The following SPART variants were observed in gnomAD, a reference collection of about 807,000 sequenced individuals.
The protein encoded by SPART is spastic paraplegia 20 (Troyer syndrome).
Under a neutral mutation model 58.7 loss-of-function variants are expected in SPART, and 35 were observed. The ratio of observed to expected loss-of-function variants is 0.60; its 90% confidence interval spans 0.46 to 0.79. The LOEUF (loss-of-function observed/expected upper bound fraction) is 0.79, where lower values mean the gene tolerates loss of function less well. SPART is among the 30% of genes least tolerant of loss of function. SPART has a pLI of 0.00. For synonymous variants in SPART, 284 were observed against 280.7 expected, an observed-to-expected ratio of 1.01 and a Z score of -0.12; for missense variants, 730 against 786.1, an observed-to-expected ratio of 0.93 and a Z score of 0.85.
At chr13:36,305,044 G>C (rs1880378059) in intron 8 of SPART, among the ~76,000 whole-genome samples, 1 of 152,048 alleles carries the variant, frequency 6.6e-6, no homozygotes, top group Non-Finnish European at 1.5e-5. Context: ...ACCTTAACCA[G>C]ACTTTGGCTA....
intron 6 of SPART, 152 bp from the exon 7 acceptor site, chr13:36,312,629 G>A (rs1321075793): frequency 6.8e-6 from 6 of 880,920 alleles, no homozygotes; most frequent in Non-Finnish European, 1.0e-5. Flanking sequence ...TTAGAGAGGA[G>A]GTCTCACTAT....
In SPART at chr13:36,304,425, C is replaced by T; in HGVS notation, c.1941G>A (p.Val647=). 6.2e-7 allele frequency: 1 copy of T among 1,614,118 alleles called. No individual in the cohort carries two copies. Among genetic ancestry groups the T allele is most frequent in the Middle Eastern group, 1.6e-4 (1 of 6,062 alleles). The change falls in exon 9 of 9, where the codon GTG becomes GTA. Residue 647 remains valine, a synonymous_variant. Coordinates refer to ENST00000438666, the MANE Select transcript of SPART (RefSeq NM_015087.5). ...TCGTCTGCTCATCCTTCTCCCCTCTCACGTTGACATTTGCTGCTCCTTCTT... is the reference window on the plus strand; with the variant it reads ...TCGTCTGCTCATCCTTCTCCCCTCTTACGTTGACATTTGCTGCTCCTTCTT... The part of the protein sequence containing the change: ...ENQEGAANVN[V]RGEKDEQTKE...
chr13:36,302,361 G>A lies in SPART; in HGVS notation c.*2004C>T, dbSNP rs963529218. ...TAAGGCAGCACACTTTTTCTGCAAAGGGCCAGAGAGTGAATAAGTTAGGCT... is the reference window on the plus strand; with the variant it reads ...TAAGGCAGCACACTTTTTCTGCAAAAGGCCAGAGAGTGAATAAGTTAGGCT... On this transcript the variant is annotated 3_prime_UTR_variant, in exon 9 of 9. Transcript: ENST00000438666. The A allele has an allele frequency of 6.6e-6, 1 of 152,158 alleles. No individual in the cohort carries two copies. Among genetic ancestry groups the A allele is most frequent in the Non-Finnish European group, 1.5e-5 (1 of 68,022 alleles). The allele number at this position is 152,158 out of a possible 1,614,324, so 9.4% of individuals were successfully genotyped here.
At chr13:36,312,779 G>T (rs1881267964) in intron 6 of SPART, among the ~76,000 whole-genome samples, 1 of 151,914 alleles carries the variant, frequency 6.6e-6, no homozygotes, top group African/African-American at 2.4e-5. Context: ...TTAAAGCTGT[G>T]CTTGCAGAGC....
At chr13:36,351,016 T>C (rs557445281), upstream of SPART, among the ~76,000 whole-genome samples, 1 of 152,316 alleles carries the variant, frequency 6.6e-6, no homozygotes, top group East Asian at 1.9e-4. Flanking sequence ...CTGGGACCAC[T>C]AGTTCTAGAA....
rs774484526 is a variant in SPART, at chr13:36,315,856, CAG to C, written c.1289-1437_1289-1436del. ...CCTATAATGAAATTATAAGAAATAA[CAG>C]GGATGAAGTCAAATGATGACTGAGA... On this transcript the variant is annotated intron_variant, in intron 5 of 8. Transcript: ENST00000438666. 6.6e-5 allele frequency among the ~76,000 whole-genome samples: 10 copies of C among 152,080 alleles called. No homozygotes were observed. In the South Asian group the frequency reaches 1.0e-3, roughly 16 times the overall value.
chr13:36,353,331 C>T (rs974077152), intron 1 of SPART, among the ~76,000 whole-genome samples: 1 of 152,178 alleles, frequency 6.6e-6, no homozygotes, highest in Non-Finnish European at 1.5e-5. Context: ...CTGTAAGCCC[C>T]TGGGGAGACC....
chr13:36,309,874 T>C (rs1015766274), intron 8 of SPART, among the ~76,000 whole-genome samples: 1 of 152,184 alleles, frequency 6.6e-6, no homozygotes, highest in Non-Finnish European at 1.5e-5. Context: ...CCCTTTAATC[T>C]ATAATAATAG....
chr13:36,321,063 C>T (rs1399692459), intron 5 of SPART, among the ~76,000 whole-genome samples: 1 of 152,206 alleles, frequency 6.6e-6, no homozygotes, highest in Non-Finnish European at 1.5e-5. Flanking sequence ...GGCCTGTCCT[C>T]GGAATGCTAC....
intron 1 of SPART, chr13:36,365,962 C>G (rs1395855905): frequency 3.5e-4 from 61 of 176,408 alleles, no homozygotes; most frequent in Non-Finnish European, 6.4e-5. Flanking sequence ...CTCTGTCAGA[C>G]TTACCATTTC....
chr13:36,370,117 C>T (rs1417257630), exon 1 of SPART: 1 of 152,268 alleles, frequency 6.6e-6, no homozygotes, highest in Admixed American at 6.5e-5. Flanking sequence ...GGGCAAATCA[C>T]TTATGATTTC....
rs1272675101 is a variant in SPART, at chr13:36,304,184, A to C, written c.*181T>G. 1.4e-6 allele frequency: 1 copy of C among 699,128 alleles called. No homozygotes were observed. Among genetic ancestry groups the C allele is most frequent in the Non-Finnish European group, 2.4e-6 (1 of 419,812 alleles). The allele number at this position is 699,128 out of a possible 1,614,324, so 43.3% of individuals were successfully genotyped here. ...ACTTCACATTTCTAAGGCCAGATGCAAGAATACTTATTCTTTTCCTTTTAA... is the reference window on the plus strand; with the variant it reads ...ACTTCACATTTCTAAGGCCAGATGCCAGAATACTTATTCTTTTCCTTTTAA... On this transcript the variant is annotated 3_prime_UTR_variant, in exon 9 of 9. Transcript: ENST00000438666.
intron 1 of SPART, among the ~76,000 whole-genome samples, chr13:36,369,917 A>G (rs1886206590): frequency 6.6e-6 from 1 of 152,214 alleles, no homozygotes; most frequent in Admixed American, 6.5e-5. Context: ...AAAATACACA[A>G]TAGAACTTTG....
intron 1 of SPART, among the ~76,000 whole-genome samples, chr13:36,362,669 C>G (rs568374644): frequency 1.2e-3 from 176 of 148,302 alleles, no homozygotes; most frequent in Non-Finnish European, 1.8e-3. Context: ...TAGGAGGAGC[C>G]CTACTCCTCC....
At chr13:36,317,165 C>T (rs554375459) in intron 5 of SPART, among the ~76,000 whole-genome samples, 29 of 152,324 alleles carry the variant, frequency 1.9e-4, no homozygotes, top group Admixed American at 3.9e-4. Flanking sequence ...TATTCACCCA[C>T]GTTTCAAAGG....
intron 2 of SPART, 134 bp downstream of exon 2, chr13:36,334,887 T>G: frequency 1.4e-6 from 1 of 698,898 alleles, no homozygotes; most frequent in Non-Finnish European, 2.4e-6. Context: ...CATAATTTCA[T>G]GGAATATATT....
At chr13:36,352,060 A>ATT (rs2137693512) in intron 1 of SPART, among the ~76,000 whole-genome samples, 1 of 152,320 alleles carries the variant, frequency 6.6e-6, no homozygotes, top group South Asian at 2.1e-4. Flanking sequence ...GATGTAAACT[A>ATT]AAACTCCTTG....
At chr13:36,317,436 A>C (rs920361368) in intron 5 of SPART, among the ~76,000 whole-genome samples, 9 of 150,178 alleles carry the variant, frequency 6.0e-5, no homozygotes, top group Non-Finnish European at 5.9e-5. Flanking sequence ...AACCTCTTAT[A>C]TCTCTGTGCC....
At chr13:36,342,876 T>C (rs1050464446) in intron 1 of SPART, among the ~76,000 whole-genome samples, 1 of 152,210 alleles carries the variant, frequency 6.6e-6, no homozygotes, top group African/African-American at 2.4e-5. Context: ...TGTCCAGTTA[T>C]CATGCTGATT....
Sources: allele counts gnomAD v4.1 joint callset (sites outside exome capture counted in the v4.1 genomes callset), GRCh38; gene constraint gnomAD v4.1.1; transcripts MANE v1.5; gene names NCBI Gene and HGNC (gene_info 2026-07-23, HGNC 2026-07-21).